Variants in PRKG1 observed in about 807,000 individuals in gnomAD.
PRKG1 encodes the protein protein kinase cGMP-dependent 1, also known as cGMP-dependent protein kinase 1.
PRKG1 carries 35 observed loss-of-function variants against 88.1 expected under a neutral mutation model. That is an observed-to-expected ratio of 0.40 (90% CI 0.30 to 0.53). PRKG1 has a LOEUF of 0.53. PRKG1 is among the 20% of genes least tolerant of loss of function. The pLI is 0.59. For synonymous variants in PRKG1, 303 were observed against 292.5 expected (o/e 1.04, Z -0.37); for missense variants, 540 against 839.8 (o/e 0.64, Z 4.41).
chr10:51,039,519 T>G (rs767687230), intron 1 of PRKG1, among the ~76,000 whole-genome samples: 18 of 152,218 alleles, frequency 1.2e-4, no homozygotes, highest in Non-Finnish European at 2.1e-4. Context: ...AAATATTTTC[T>G]CCCATTCCTT....
chr10:51,272,367 G>T (rs1304877664), intron 2 of PRKG1, among the ~76,000 whole-genome samples: 1 of 151,764 alleles, frequency 6.6e-6, no homozygotes, highest in Admixed American at 6.6e-5. Context: ...GGGGTGGGGG[G>T]CTAGGGGAGG....
At chr10:52,218,233 T>C (rs1051254868) in intron 9 of PRKG1, among the ~76,000 whole-genome samples, 32 of 132,778 alleles carry the variant, frequency 2.4e-4, no homozygotes, top group Admixed American at 2.2e-4. Flanking sequence ...AAAAGAAAAA[T>C]AGGTTACAGT....
intron 2 of PRKG1, among the ~76,000 whole-genome samples, chr10:51,409,639 G>A (rs1564481875): frequency 6.6e-6 from 1 of 152,038 alleles, no homozygotes; most frequent in East Asian, 1.9e-4. Context: ...TGGATCATGA[G>A]GTCAGGAGAT....
At chr10:52,212,573 A>G (rs1159426209) in intron 9 of PRKG1, among the ~76,000 whole-genome samples, 1 of 151,588 alleles carries the variant, frequency 6.6e-6, no homozygotes, top group Admixed American at 6.6e-5. Flanking sequence ...TAGCTTTTCT[A>G]TCTTTTCATC....
chr10:51,433,470 T>A (rs1036633096), intron 2 of PRKG1, among the ~76,000 whole-genome samples: 1 of 152,070 alleles, frequency 6.6e-6, no homozygotes, highest in Non-Finnish European at 1.5e-5. Context: ...GAAAGTCCAA[T>A]ATATGGCTGG....
At chr10:51,510,806 C>G (rs1017963292) in intron 3 of PRKG1, among the ~76,000 whole-genome samples, 2 of 147,704 alleles carry the variant, frequency 1.4e-5, no homozygotes, top group Non-Finnish European at 3.0e-5. Flanking sequence ...TGCAGTGGTG[C>G]AATCTCGGCT....
chr10:51,884,940 T>C (rs1841532521), intron 4 of PRKG1, among the ~76,000 whole-genome samples: 1 of 152,158 alleles, frequency 6.6e-6, no homozygotes, highest in Non-Finnish European at 1.5e-5. Flanking sequence ...CATGGAGATA[T>C]CAGTTTACTC....
At chr10:51,627,970 C>CTCTTTCTT in intron 3 of PRKG1, among the ~76,000 whole-genome samples, 1 of 86,366 alleles carries the variant, frequency 1.2e-5, no homozygotes, top group South Asian at 4.5e-4. Context: ...TTCTTTCTTT[C>CTCTTTCTT]TCTTTCTTTC....
At chr10:51,229,094 A>G (rs1208712616) in intron 2 of PRKG1, among the ~76,000 whole-genome samples, 1 of 152,144 alleles carries the variant, frequency 6.6e-6, no homozygotes, top group Non-Finnish European at 1.5e-5. Context: ...ATCCTCTTAT[A>G]AGCTCAGATA....
chr10:51,668,159 CTCAGAG>C (rs1345429479), intron 3 of PRKG1, among the ~76,000 whole-genome samples: 4 of 152,116 alleles, frequency 2.6e-5, no homozygotes, highest in African/African-American at 9.7e-5. Context: ...GAAATTTCAA[CTCAGAG>C]TCAAATTTAT....
intron 2 of PRKG1, among the ~76,000 whole-genome samples, chr10:51,173,984 T>C (rs1407194948): frequency 6.6e-6 from 1 of 151,932 alleles, no homozygotes; most frequent in African/African-American, 2.4e-5. Flanking sequence ...TGTTCAATTA[T>C]CTTTGTTCTC....
chr10:51,263,628 A>T (rs144860195), intron 2 of PRKG1, among the ~76,000 whole-genome samples: 20 of 152,362 alleles, frequency 1.3e-4, no homozygotes, highest in African/African-American at 4.1e-4. Flanking sequence ...AATGGACTTA[A>T]TTGTTCTTAT....
intron 7 of PRKG1, among the ~76,000 whole-genome samples, chr10:52,077,746 C>A (rs929450979): frequency 6.6e-6 from 1 of 151,988 alleles, no homozygotes; most frequent in Admixed American, 6.6e-5. Context: ...CATTTTAGTT[C>A]TGCAGTAGGT....
At chr10:52,031,196 A>T (rs1214367182) in intron 5 of PRKG1, among the ~76,000 whole-genome samples, 1 of 152,218 alleles carries the variant, frequency 6.6e-6, no homozygotes, top group Non-Finnish European at 1.5e-5. Context: ...TTCTCCTCCA[A>T]ATACACAGGC....
intron 5 of PRKG1, among the ~76,000 whole-genome samples, chr10:51,931,226 T>C (rs1374550393): frequency 6.6e-6 from 1 of 152,228 alleles, no homozygotes; most frequent in Non-Finnish European, 1.5e-5. Flanking sequence ...TTAGACCATC[T>C]TTTGTTACTC....
chr10:51,475,419 A>G (rs945948137), intron 3 of PRKG1, among the ~76,000 whole-genome samples: 3 of 151,952 alleles, frequency 2.0e-5, no homozygotes, highest in East Asian at 3.9e-4. Context: ...TAATGCCCCT[A>G]TAGTTTGAGG....
chr10:52,103,148 T>G (rs1264494821), intron 7 of PRKG1, among the ~76,000 whole-genome samples: 3 of 152,172 alleles, frequency 2.0e-5, no homozygotes, highest in Non-Finnish European at 2.9e-5. Context: ...CAGTTTTATC[T>G]CTAAATTAAC....
intron 3 of PRKG1, among the ~76,000 whole-genome samples, chr10:51,536,161 A>G (rs916237322): frequency 5.3e-5 from 8 of 152,224 alleles, no homozygotes; most frequent in South Asian, 2.1e-4. Flanking sequence ...AAAAAGAAGT[A>G]CAAAACAGAA....
intron 7 of PRKG1, among the ~76,000 whole-genome samples, chr10:52,085,153 T>C (rs568731333): frequency 6.6e-6 from 1 of 152,216 alleles, no homozygotes; most frequent in East Asian, 1.9e-4. Context: ...GAGTTTCCAC[T>C]GTGTAGTGGA....
Sources: gnomAD v4.1 joint callset for allele counts (sites outside exome capture counted in the v4.1 genomes callset) on GRCh38, gnomAD v4.1.1 for gene constraint, MANE v1.5 for transcripts, NCBI Gene and HGNC (gene_info 2026-07-23, HGNC 2026-07-21) for gene names.